The following MED12 variants were observed in gnomAD, a reference collection of about 807,000 sequenced individuals.
MED12 encodes the protein mediator of RNA polymerase II transcription subunit 12.
In MED12, 10 loss-of-function variants were observed where a neutral mutation model predicts 177.7. The ratio of observed to expected loss-of-function variants is 0.06; its 90% confidence interval spans 0.03 to 0.10. MED12 has a LOEUF of 0.10. Ranked by LOEUF, MED12 falls within the 10% of genes least tolerant of loss-of-function variation. The probability of loss-of-function intolerance (pLI) is 1.00; values close to 1 mark genes in which losing one functional copy is unlikely to be tolerated. For synonymous variants in MED12, 641 were observed against 678.4 expected, an observed-to-expected ratio of 0.94 and a Z score of 0.86; for missense variants, 867 against 1,780.8, an observed-to-expected ratio of 0.49 and a Z score of 9.23.
Position 71,122,603 on chromosome X carries a change from T to C in MED12, c.1344T>C (p.Thr448=). The C allele has an allele frequency of 8.3e-7, 1 of 1,205,584 alleles. No individual in the cohort carries two copies. Among genetic ancestry groups the C allele is most frequent in the Non-Finnish European group, 1.1e-6 (1 of 889,825 alleles). ...CTTTCGATAAATGCCAGGAAGCTAC[T>C]GCAGGTATGTGTCAGAGAACAGATA... is the stretch of plus-strand genomic sequence containing the variant. ...RWSFDKCQEA[T]AGFTIGRVLH... Residue 448 remains threonine, a synonymous_variant, in exon 9 of 45, where the codon ACT becomes ACC. Coordinates refer to ENST00000374080, the MANE Select transcript of MED12 (RefSeq NM_005120.3).
At chrX:71,136,679 T>C in intron 37 of MED12, 24 bp downstream of exon 37, 2 of 1,205,447 alleles carry the variant, frequency 1.7e-6, no homozygotes, top group Non-Finnish European at 1.1e-6. Context: ...CCGTGACAGT[T>C]CTCCCACAGC....
At position 71,124,309 on chromosome X, in the gene MED12, G is replaced by A. The variant is rs199582086; in HGVS notation, c.1895G>A (p.Arg632Gln). 7 of 1,208,207 alleles carry A rather than the reference G, an allele frequency of 5.8e-6. No individual in the cohort carries two copies. The highest frequency in any genetic ancestry group is 3.0e-5 in the East Asian group (1 of 33,741). The change falls in exon 13 of 45, where the codon CGG becomes CAG. Residue 632 changes from arginine (R) to glutamine (Q), a missense_variant. Arg to Gln is a conservative substitution (Grantham distance 43). Around this residue, in one of 14 missense-constraint regions of MED12, gnomAD observed 309 missense variants for 556.3 expected, o/e 0.56. Coordinates refer to ENST00000374080, the MANE Select transcript of MED12 (RefSeq NM_005120.3). ...CTTGCCTTTGGAGCCCCTGGTCCCC[G>A]GCCTCCCTCTCCCTTTGATGATCCT... Reference protein sequence around the residue: ...GDLAFGAPGPRPPSPFDDPAD... With the variant: ...GDLAFGAPGPQPPSPFDDPAD...
rs2092318887 is a variant in MED12 at position 71,132,054 on chromosome X, T to C, written c.4120-19T>C. The stretch of plus-strand genomic sequence containing the variant: ...TTAGCTACCTATTTTAGCACTTCTG[T>C]GCCTTTCATCCTCCCCAGGAGATGA... On this transcript the variant is annotated intron_variant, in intron 29 of 44. Coordinates refer to ENST00000374080, the MANE Select transcript of MED12 (RefSeq NM_005120.3). The C allele has an allele frequency of 8.3e-7, 1 of 1,207,046 alleles. No individual in the cohort carries two copies. The highest frequency in any genetic ancestry group is 2.3e-4 in the Middle Eastern group (1 of 4,345).
At chrX:71,128,854 G>A (rs1246591388) in intron 24 of MED12, 136 bp downstream of exon 24, 1 of 809,524 alleles carries the variant, frequency 1.2e-6, no homozygotes, top group African/African-American at 2.1e-5. Context: ...CAGTCCTTTG[G>A]TATGCTGAAG....
chrX:71,127,171 C>T lies in MED12; in HGVS notation c.2849+39C>T, dbSNP rs746081067. 1.2e-4 allele frequency: 139 copies of T among 1,184,196 alleles called. No homozygotes were observed. Among genetic ancestry groups the T allele is most frequent in the Middle Eastern group, 5.9e-4 (2 of 3,374 alleles). On this transcript the variant is annotated intron_variant, in intron 20 of 44. Transcript: ENST00000374080. ...CGGAATAACTGAAACAAAGCTCTGG[C>T]GAATGCCGGTGGAAGTGGCCTGGGA...
chrX:71,130,123 G>A lies in MED12; in HGVS notation c.3956G>A (p.Arg1319His), dbSNP rs1421325265. ...DPVLSSAQAQ[R>H]LMQLICYPHR... ...GTGTTGAGTAGTGCCCAGGCGCAGC[G>A]CCTCATGCAGCTCATTTGCTATCCA... The change falls in exon 28 of 45, where the codon CGC (arginine) becomes CAC (histidine). Residue 1319 changes from arginine to histidine, a missense_variant. This residue lies in a region of MED12 where 11 missense variants were observed against 48.4 expected (regional missense o/e 0.23). Transcript: ENST00000374080. 5.0e-6 allele frequency: 6 copies of A among 1,209,396 alleles called. No homozygotes were observed. Among genetic ancestry groups the A allele is most frequent in the Non-Finnish European group, 6.7e-6 (6 of 894,070 alleles).
rs1346228842 is a variant in MED12, at chrX:71,125,038, C to T, written c.2118C>T (p.Val706=). 40 of 1,208,359 alleles carry T rather than the reference C, an allele frequency of 3.3e-5. No individual in the cohort carries two copies. Among genetic ancestry groups the T allele is most frequent in the Non-Finnish European group, 4.4e-5 (39 of 894,717 alleles). ...GTCCATCCCCTGAGAAGCCAGATGT[C>T]GAGAAGGAGGTGAAGCCCCCACCCA... ...KGSPSPEKPD[V]EKEVKPPPKE... Residue 706 remains valine (V), a synonymous_variant, in exon 15 of 45, where the codon GTC becomes GTT. Coordinates refer to ENST00000374080, the MANE Select transcript of MED12 (RefSeq NM_005120.3).
In MED12 at chrX:71,133,232, A is replaced by T; in HGVS notation, c.4617+20A>T. On this transcript the variant is annotated intron_variant, in intron 33 of 44. Coordinates refer to ENST00000374080, the MANE Select transcript of MED12 (RefSeq NM_005120.3). The stretch of plus-strand genomic sequence containing the variant: ...AACCTGGTGAGAAGGCCAGCTGGGG[A>T]GAAGAAGGAAGAGGGTAGGGCTGGA... 9 of 1,082,105 alleles carry T rather than the reference A, an allele frequency of 8.3e-6. No homozygotes were observed. The highest frequency in any genetic ancestry group is 1.2e-5 in the Non-Finnish European group (9 of 777,869). The allele number at this position is 1,082,105 out of a possible 1,213,427, so 89.2% of individuals were successfully genotyped here.
Position 71,136,927 on chromosome X carries a change from C to T in MED12, c.5449C>T (p.Pro1817Ser). The T allele has an allele frequency of 8.3e-7, 1 of 1,210,170 alleles. No homozygotes were observed. The highest frequency in any genetic ancestry group is 1.1e-6 in the Non-Finnish European group (1 of 895,249). ...GAGCGGCCCTTATGGTGTGACAGTG[C>T]CTCCGGACCTCCTGCACCACCCAAA... The part of the protein sequence containing the change: ...GRSGPYGVTV[P>S]PDLLHHPNPG... Residue 1817 changes from proline to serine, a missense_variant, in exon 38 of 45, where the codon CCT becomes TCT. By Grantham distance (74) the Pro-to-Ser change is moderately conservative (BLOSUM62 -1). Transcript: ENST00000374080.
Position 71,122,789 on chromosome X carries a change from G to A in MED12, c.1400G>A (p.Ser467Asn). ...ACTTTGGAAGTGCTGGACAGCCATA[G>A]TTTTGAACGCTCTGACTTCAGCAAC... ...LHTLEVLDSH[S>N]FERSDFSNSL... The change falls in exon 10 of 45, where the codon AGT becomes AAT. Residue 467 changes from serine to asparagine, a missense_variant. Physicochemically the swap from Ser to Asn is conservative, Grantham distance 46. Transcript: ENST00000374080. 8.3e-7 allele frequency: 1 copy of A among 1,211,481 alleles called. No individual in the cohort carries two copies. The highest frequency in any genetic ancestry group is 1.8e-5 in the South Asian group (1 of 56,992).
In MED12 at chrX:71,132,361, T is replaced by C; in HGVS notation, c.4254-16T>C. ...CTGGCTCCCCTGTGACCCTGTGTCC[T>C]CTGTCTGTTCTCCAGCTCTCTAGAG... is the stretch of plus-strand genomic sequence containing the variant. On this transcript the variant is annotated splice_polypyrimidine_tract_variant and intron_variant, in intron 30 of 44. Transcript: ENST00000374080. 8.3e-7 allele frequency: 1 copy of C among 1,210,216 alleles called. No homozygotes were observed.
chrX:71,120,215 A>G (rs768189461), intron 4 of MED12, 45 bp downstream of exon 4: 5 of 1,139,616 alleles, frequency 4.4e-6, no homozygotes, highest in Admixed American at 4.4e-5. Flanking sequence ...GGCTTCAAGG[A>G]GTGATAGAGA....
At position 71,140,752 on chromosome X, in the gene MED12, GCAGCAA is replaced by G. The variant is rs1569482706; in HGVS notation, c.6168_6173del (p.Gln2075_Gln2076del). 1 of 1,208,390 alleles carries G rather than the reference GCAGCAA, an allele frequency of 8.3e-7. No homozygotes were observed. Among genetic ancestry groups the G allele is most frequent in the Non-Finnish European group, 1.1e-6 (1 of 894,495 alleles). ...CCATCCTACCTGAGCAGCAGCAGCA[GCAGCAA>G]CAGCAGCAACAGCAACAGCAGCAGC... On this transcript the variant is annotated inframe_deletion, in exon 42 of 45. Transcript: ENST00000374080.
At chrX:71,125,553 C>T (rs2092300762) in intron 16 of MED12, 58 bp downstream of exon 16, 1 of 1,188,122 alleles carries the variant, frequency 8.4e-7, no homozygotes, top group Non-Finnish European at 1.1e-6. Flanking sequence ...TCAGTCTTCC[C>T]TTCCCCAGTA....
chrX:71,137,592 A>G lies in MED12; in HGVS notation c.5783A>G (p.His1928Arg). The G allele has an allele frequency of 2.5e-6, 3 of 1,209,324 alleles. No homozygotes were observed. The highest frequency in any genetic ancestry group is 3.4e-6 in the Non-Finnish European group (3 of 893,724). ...SQGMLGQSSV[H>R]QMTPSSSYGL... ...GGCATGTTGGGACAGTCATCTGTCCATCAGATGACTCCCAGCTCTTCCTAC... is the reference window on the plus strand; with the variant it reads ...GGCATGTTGGGACAGTCATCTGTCCGTCAGATGACTCCCAGCTCTTCCTAC... Residue 1928 changes from histidine (H) to arginine (R), a missense_variant, in exon 40 of 45, where the codon CAT (histidine) becomes CGT (arginine). Around this residue, in one of 14 missense-constraint regions of MED12, gnomAD observed 236 missense variants for 345.2 expected, o/e 0.68. Transcript: ENST00000374080.
At position 71,127,943 on chromosome X, in the gene MED12, C is replaced by T. The variant is rs2147800762; in HGVS notation, c.3032C>T (p.Ser1011Leu). Residue 1011 changes from serine (S) to leucine (L), a missense_variant, in exon 22 of 45, where the codon TCG (serine) becomes TTG (leucine). Ser to Leu is a moderately radical substitution (Grantham distance 145). Around this residue, in one of 14 missense-constraint regions of MED12, gnomAD observed 70 missense variants for 143.6 expected, o/e 0.49. Transcript: ENST00000374080. ...ACCATCTACTGCAACGTGGAGCCATCGGAATCAAATATGCGCTGGGCACCT... is the reference window on the plus strand; with the variant it reads ...ACCATCTACTGCAACGTGGAGCCATTGGAATCAAATATGCGCTGGGCACCT... ...KNTIYCNVEP[S>L]ESNMRWAPEF... 8.3e-7 allele frequency: 1 copy of T among 1,211,549 alleles called. No homozygotes were observed. Among genetic ancestry groups the T allele is most frequent in the Non-Finnish European group, 1.1e-6 (1 of 895,316 alleles).
At chrX:71,136,175 T>G in intron 36 of MED12, 106 bp from the exon 37 acceptor site, 2 of 954,032 alleles carry the variant, frequency 2.1e-6, no homozygotes, top group Non-Finnish European at 3.0e-6. Flanking sequence ...TCTTACCATC[T>G]CTCCTGAATC....
intron 33 of MED12, among the ~76,000 whole-genome samples, chrX:71,133,900 G>A (rs1361911852): frequency 4.5e-5 from 5 of 110,873 alleles, no homozygotes; most frequent in East Asian, 2.9e-4. Context: ...CAAGAATTCC[G>A]TCATTGTCTT....
rs193261602 is a variant in MED12, at chrX:71,123,774, A to G, written c.1744+54A>G. On this transcript the variant is annotated intron_variant, in intron 12 of 44. Transcript: ENST00000374080. ...CTCTGCCTAGACTCAGTTACCCACC[A>G]CTGTCATCAGAAAGCATAATTAACA... 2.2e-5 allele frequency: 25 copies of G among 1,123,647 alleles called. No individual in the cohort carries two copies. In the East Asian group the frequency reaches 7.7e-4, roughly 35 times the overall value. The allele number at this position is 1,123,647 out of a possible 1,213,427, so 92.6% of individuals were successfully genotyped here.
Sources: allele counts gnomAD v4.1 joint callset (sites outside exome capture counted in the v4.1 genomes callset), GRCh38; gene constraint gnomAD v4.1.1; regional missense constraint gnomAD v4.1.1; transcripts MANE v1.5; gene names NCBI Gene and HGNC (gene_info 2026-07-23, HGNC 2026-07-21).